Variants in ASPM observed in about 807,000 individuals in gnomAD.
ASPM encodes the protein abnormal spindle-like microcephaly-associated protein.
ASPM carries 256 observed loss-of-function variants against 366.4 expected under a neutral mutation model. The ratio of observed to expected loss-of-function variants is 0.70; its 90% CI spans 0.63 to 0.77. The LOEUF (loss-of-function observed/expected upper bound fraction) is 0.77. Among genes scored for constraint, ASPM ranks in the 30% least tolerant of loss-of-function variants. ASPM has a pLI of 0.00. For missense variants in ASPM, 4,146 were observed against 4,090.4 expected (o/e 1.01, Z -0.37); for synonymous variants, 1,414 against 1,342.9 (o/e 1.05, Z -1.16).
chr1:197,126,178 C>T (rs1439160448), intron 10 of ASPM, among the ~76,000 whole-genome samples: 8 of 152,116 alleles, frequency 5.3e-5, no homozygotes, highest in South Asian at 2.1e-4. Flanking sequence ...CGGTGGCTCA[C>T]GCCTGTAATC....
intron 19 of ASPM, among the ~76,000 whole-genome samples, chr1:197,095,201 T>C (rs1656931953): frequency 6.6e-6 from 1 of 151,762 alleles, no homozygotes; most frequent in South Asian, 2.1e-4. Context: ...TCCTTCTCAC[T>C]GTATTTTTGT....
At position 197,102,563 on chromosome 1, in the gene ASPM, T is replaced by C. The variant is rs777928629; in HGVS notation, c.6688A>G (p.Asn2230Asp). ...QQRYWAMKER[N>D]IQFQRYNKLR... ...TTGTTATACCTTTGAAATTGTATGT[T>C]TCTTTCTTTCATTGCCCAGTATCTT... Residue 2230 changes from asparagine (N) to aspartate (D), a missense_variant, in exon 18 of 28, where the codon AAC (asparagine) becomes GAC (aspartate). This residue lies in a region of ASPM where 3,624 missense variants were observed against 3,591.7 expected (regional missense o/e 1.01). Coordinates refer to ENST00000367409, the MANE Select transcript of ASPM (RefSeq NM_018136.5). 1.2e-6 allele frequency: 2 copies of C among 1,612,228 alleles called. No homozygotes were observed. The highest frequency in any genetic ancestry group is 1.7e-5 in the Admixed American group (1 of 59,754).
intron 17 of ASPM, among the ~76,000 whole-genome samples, chr1:197,114,428 T>C (rs902663759): frequency 6.6e-6 from 1 of 152,174 alleles, no homozygotes; most frequent in Non-Finnish European, 1.5e-5. Flanking sequence ...TGACTCCTTA[T>C]TCAGAAAAGA....
In ASPM at chr1:197,101,736, A is replaced by T; in HGVS notation, c.7515T>A (p.His2505Gln). 2.5e-6 allele frequency: 4 copies of T among 1,612,268 alleles called. No homozygotes were observed. Among genetic ancestry groups the T allele is most frequent in the Non-Finnish European group, 3.4e-6 (4 of 1,179,080 alleles). ...RTYITFQTWK[H>Q]ASILIQQHYR... ...AATGTTGCTGAATTAGAATTGAAGC[A>T]TGTTTCCAAGTCTGAAATGTAATAT... is the stretch of plus-strand genomic sequence containing the variant. Residue 2505 changes from histidine to glutamine, a missense_variant, in exon 18 of 28, where the codon CAT (histidine) becomes CAA (glutamine). Coordinates refer to ENST00000367409, the MANE Select transcript of ASPM (RefSeq NM_018136.5).
Position 197,103,146 on chromosome 1 carries a change from T to C in ASPM, c.6105A>G (p.Lys2035=). ...TGCAATCCTTTATTCTTTTTCTCAC[T>C]TTCATACCACGATAAGCTGACTGTA... ...VTLQSAYRGM[K]VRKRIKDCNK... The change falls in exon 18 of 28, where the codon AAA becomes AAG. Residue 2035 remains lysine (K), a synonymous_variant. Transcript: ENST00000367409. The C allele has an allele frequency of 6.2e-7, 1 of 1,612,844 alleles. No homozygotes were observed.
intron 4 of ASPM, among the ~76,000 whole-genome samples, chr1:197,138,102 TAA>T (rs1358431352): frequency 1.3e-5 from 2 of 152,156 alleles, no homozygotes; most frequent in African/African-American, 4.8e-5. Flanking sequence ...ATATAAAATG[TAA>T]AAGTCACTAC....
In ASPM at chr1:197,110,676, G is replaced by A. The variant is rs149947341; in HGVS notation, c.4066-5491C>T. ...CAGATTTCACCTACTGCTACAGTGC[G>A]AGGCTCAAAGATAGACAAATGGACC... On this transcript the variant is annotated intron_variant, in intron 17 of 27. Transcript: ENST00000367409. Among the ~76,000 whole-genome samples, 403 of 151,908 alleles carry A rather than the reference G, an allele frequency of 2.7e-3. 3 individuals carry two copies. Among genetic ancestry groups the A allele is most frequent in the African/African-American group, 9.3e-3 (387 of 41,484 alleles).
rs760375683 is a variant in ASPM at position 197,142,937 on chromosome 1, G to C, written c.1315C>G (p.Pro439Ala). The C allele has an allele frequency of 6.2e-7, 1 of 1,613,982 alleles. No individual in the cohort carries two copies. Among genetic ancestry groups the C allele is most frequent in the Non-Finnish European group, 8.5e-7 (1 of 1,179,862 alleles). ...WRKSEVSPRI[P>A]ECQGSKSPKA... Reference sequence around the variant, plus strand: ...GGAGATTTTGAACCCTGACATTCAGGAATACGTGGCGAAACTTCACTTTTT... The same window carrying C: ...GGAGATTTTGAACCCTGACATTCAGCAATACGTGGCGAAACTTCACTTTTT... Residue 439 changes from proline (P) to alanine (A), a missense_variant, in exon 3 of 28, where the codon CCT becomes GCT. Transcript: ENST00000367409.
At chr1:197,145,434 T>A (rs766563729) in intron 1 of ASPM, among the ~76,000 whole-genome samples, 2 of 152,168 alleles carry the variant, frequency 1.3e-5, no homozygotes, top group Admixed American at 6.5e-5. Flanking sequence ...AAAGTGTGCA[T>A]ACATACTACA....
rs1050018718 is a variant in ASPM, at chr1:197,117,923, T to G, written c.3931A>C (p.Arg1311=). ...LAVINFLAKQ[R]LRKRVNAALV... is the part of the protein sequence containing the mutation. The stretch of plus-strand genomic sequence containing the variant: ...GCTGCATTAACTCTTTTTCTCAATC[T>G]TTGTTTTGCTAGAAAATTGATTACA... The change falls in exon 17 of 28, where the codon AGA becomes CGA. Residue 1311 remains arginine (R), a synonymous_variant. Coordinates refer to ENST00000367409, the MANE Select transcript of ASPM (RefSeq NM_018136.5). 1.2e-6 allele frequency: 2 copies of G among 1,613,666 alleles called. No individual in the cohort carries two copies. The highest frequency in any genetic ancestry group is 3.3e-5 in the Admixed American group (2 of 59,974).
Position 197,133,589 on chromosome 1 carries a change from G to C in ASPM, c.2180C>G (p.Ala727Gly). 1 of 1,612,602 alleles carries C rather than the reference G, an allele frequency of 6.2e-7. No individual in the cohort carries two copies. The highest frequency in any genetic ancestry group is 1.1e-5 in the South Asian group (1 of 90,988). The change falls in exon 6 of 28, where the codon GCT becomes GGT. Residue 727 changes from alanine (A) to glycine (G), a missense_variant. Around this residue, in one of 3 missense-constraint regions of ASPM, gnomAD observed 3,624 missense variants for 3,591.7 expected, o/e 1.01. Coordinates refer to ENST00000367409, the MANE Select transcript of ASPM (RefSeq NM_018136.5). Reference sequence around the variant, plus strand: ...CTCTATTCCCAAAAGAAGAGTAGCAGCATTTACTGGGTAAAAACAAAAGAA... The same window carrying C: ...CTCTATTCCCAAAAGAAGAGTAGCACCATTTACTGGGTAAAAACAAAAGAA... ...TVKTNISEVN[A>G]ATLLLGIENQ...
In ASPM at chr1:197,097,344, G is replaced by GC. The variant is rs529218795; in HGVS notation, c.8821-1181dup. On this transcript the variant is annotated intron_variant, in intron 18 of 27. Transcript: ENST00000367409. ...CTTCCCCCTGCACAGATCTCCCCAT[G>GC]CCCCACGAAATGCTTAAAAGGTAGC... Among the ~76,000 whole-genome samples, 60 of 151,632 alleles carry GC rather than the reference G, an allele frequency of 4.0e-4. 1 individual carries two copies. The highest frequency in any genetic ancestry group is 7.4e-4 in the Non-Finnish European group (50 of 67,794).
intron 5 of ASPM, among the ~76,000 whole-genome samples, chr1:197,134,059 T>C (rs1006827039): frequency 2.6e-5 from 4 of 151,940 alleles, no homozygotes; most frequent in Non-Finnish European, 2.9e-5. Flanking sequence ...TTAAGTGATC[T>C]CTAAGATCAC....
rs1261969522 is a variant in ASPM at position 197,146,309 on chromosome 1, G to A, written c.129C>T (p.His43=). 2.5e-6 allele frequency: 4 copies of A among 1,613,868 alleles called. No homozygotes were observed. In the Admixed American group the frequency reaches 5.0e-5, roughly 20 times the overall value. Residue 43 remains histidine (H), a synonymous_variant, in exon 1 of 28, where the codon CAC becomes CAT. Transcript: ENST00000367409. ...ASSPPVLSLS[H]FCRSPFLCFG... Reference sequence around the variant, plus strand: ...AGCAAAGGAAAGGAGACCTGCAGAAGTGGCTGAGAGACAGGACCGGCGGGG... The same window carrying A: ...AGCAAAGGAAAGGAGACCTGCAGAAATGGCTGAGAGACAGGACCGGCGGGG...
In ASPM at chr1:197,103,179, T is replaced by C; in HGVS notation, c.6072A>G (p.Val2024=). The part of the protein sequence containing the change: ...NHLYLKTKAA[V]VTLQSAYRGM... Reference sequence around the variant, plus strand: ...CACGATAAGCTGACTGTAAAGTTACTACAGCTGCTTTTGTTTTCAAATATA... The same window carrying C: ...CACGATAAGCTGACTGTAAAGTTACCACAGCTGCTTTTGTTTTCAAATATA... Residue 2024 remains valine (V), a synonymous_variant, in exon 18 of 28, where the codon GTA becomes GTG. Coordinates refer to ENST00000367409, the MANE Select transcript of ASPM (RefSeq NM_018136.5). 1.2e-6 allele frequency: 2 copies of C among 1,612,666 alleles called. No individual in the cohort carries two copies. Among genetic ancestry groups the C allele is most frequent in the Non-Finnish European group, 1.7e-6 (2 of 1,179,346 alleles).
At position 197,100,547 on chromosome 1, in the gene ASPM, G is replaced by T. The variant is rs587783282; in HGVS notation, c.8704C>A (p.Gln2902Lys). The T allele has an allele frequency of 6.2e-7, 1 of 1,611,410 alleles. No individual in the cohort carries two copies. The highest frequency in any genetic ancestry group is 8.5e-7 in the Non-Finnish European group (1 of 1,178,544). ...CTGATCTGTAAATAGACTTGTCTTT[G>T]ATGTTTTGCAGACAGAAATGCTCTG... Reference protein sequence around the residue: ...HYRAFLSAKHQRQVYLQIRSS... With the variant: ...HYRAFLSAKHKRQVYLQIRSS... The change falls in exon 18 of 28, where the codon CAA (glutamine) becomes AAA (lysine). Residue 2902 changes from glutamine to lysine, a missense_variant. Around this residue, in one of 3 missense-constraint regions of ASPM, gnomAD observed 3,624 missense variants for 3,591.7 expected, o/e 1.01. Transcript: ENST00000367409.
chr1:197,133,350 C>T lies in ASPM; in HGVS notation c.2419G>A (p.Gly807Arg), dbSNP rs1658320734. 4 of 1,611,742 alleles carry T rather than the reference C, an allele frequency of 2.5e-6. No homozygotes were observed. The highest frequency in any genetic ancestry group is 3.4e-6 in the Non-Finnish European group (4 of 1,178,906). The change falls in exon 6 of 28, where the codon GGA (glycine) becomes AGA (arginine). Residue 807 changes from glycine (G) to arginine (R), a missense_variant and splice_region_variant. This residue lies in a region of ASPM where 3,624 missense variants were observed against 3,591.7 expected (regional missense o/e 1.01). Transcript: ENST00000367409. ...GTCAAGATTTCTGCAGTCTTCTTAC[C>T]CACATCTTTCCATAGGTGTCTATCT... ...RKDRHLWKDV[G>R]ERQKVLNWLL...
At position 197,104,789 on chromosome 1, in the gene ASPM, TAATATA is replaced by T. The variant is rs972975388; in HGVS notation, c.4456_4461del (p.Tyr1486_Ile1487del). 3 of 1,585,640 alleles carry T rather than the reference TAATATA, an allele frequency of 1.9e-6. No individual in the cohort carries two copies. Among genetic ancestry groups the T allele is most frequent in the African/African-American group, 1.4e-5 (1 of 73,060 alleles). On this transcript the variant is annotated inframe_deletion, in exon 18 of 28. Transcript: ENST00000367409. Reference sequence around the variant, plus strand: ...TTCTGAATGATAACAACACAAGATCTAATATAAATATATTTCCGTAATTCTTTATGC... The same window carrying T: ...TTCTGAATGATAACAACACAAGATCTAATATATTTCCGTAATTCTTTATGC...
intron 26 of ASPM, 56 bp from the exon 27 acceptor site, chr1:197,087,028 T>C (rs1395864499): frequency 8.3e-6 from 12 of 1,451,900 alleles, no homozygotes; most frequent in African/African-American, 1.4e-5. Context: ...ATTTTATCTC[T>C]TTTAGACTAG....
Sources: allele counts gnomAD v4.1 joint callset (sites outside exome capture counted in the v4.1 genomes callset), GRCh38; gene constraint gnomAD v4.1.1; regional missense constraint gnomAD v4.1.1; transcripts MANE v1.5; gene names NCBI Gene and HGNC (gene_info 2026-07-23, HGNC 2026-07-21).